Variants in BRCA1 observed in about 807,000 individuals in gnomAD.
BRCA1 encodes BRCA1 DNA repair associated.
BRCA1 carries 140 observed loss-of-function variants against 173.7 expected under a neutral mutation model. That is an observed-to-expected ratio of 0.81 (90% confidence interval 0.70 to 0.93). The LOEUF is 0.93. BRCA1 is among the 40% of genes least tolerant of loss of function. The pLI, the probability that BRCA1 is intolerant of heterozygous loss-of-function variation, is 0.00. For synonymous variants in BRCA1, 662 were observed against 756.0 expected, an observed-to-expected ratio of 0.88 and a Z score of 2.04; for missense variants, 1,983 against 2,172.5, an observed-to-expected ratio of 0.91 and a Z score of 1.73.
chr17:43,115,434 G>A (rs1308185213), intron 3 of BRCA1, among the ~76,000 whole-genome samples: 1 of 151,718 alleles, frequency 6.6e-6, no homozygotes, highest in Non-Finnish European at 1.5e-5. Flanking sequence ...CTCGGGGGGC[G>A]GAGGTTGCAG....
intron 1 of BRCA1, among the ~76,000 whole-genome samples, chr17:43,135,019 C>T (rs2056004667): frequency 6.6e-6 from 1 of 152,240 alleles, no homozygotes; most frequent in Non-Finnish European, 1.5e-5. Context: ...ATGCACCCAC[C>T]CCTTGCCATG....
upstream of BRCA1, among the ~76,000 whole-genome samples, chr17:43,129,617 G>C (rs1159290299): frequency 6.6e-6 from 1 of 151,784 alleles, no homozygotes; most frequent in Non-Finnish European, 1.5e-5. Context: ...GGGACTACAG[G>C]CACCCGCCAT....
At position 43,094,530 on chromosome 17, in the gene BRCA1, G is replaced by A. The variant is rs41286290; in HGVS notation, c.1001C>T (p.Pro334Leu). ...CAGATCTACCTTTTTTTCTGTGCTG[G>A]GAGTCCGCCTATCATTACATGTTTC... Reference protein sequence around the residue: ...SKETCNDRRTPSTEKKVDLNA... With the variant: ...SKETCNDRRTLSTEKKVDLNA... The change falls in exon 10 of 23, where the codon CCC becomes CTC. Residue 334 changes from proline (P) to leucine (L), a missense_variant. Coordinates refer to ENST00000357654, the MANE Select transcript of BRCA1 (RefSeq NM_007294.4). 114 of 1,613,776 alleles carry A rather than the reference G, an allele frequency of 7.1e-5. No homozygotes were observed. Among genetic ancestry groups the A allele is most frequent in the Non-Finnish European group, 8.4e-5 (99 of 1,180,002 alleles).
rs866845270 is a variant in BRCA1, at chr17:43,144,859, C to T, written c.-19-20744G>A. On this transcript the variant is annotated intron_variant, in intron 1 of 7. Transcript: ENST00000634433. ...AACATAGCGAGAGCAGCTCCGGTGG[C>T]GGGAGGAGTGGCAGCGGCCAGGCAG... 3.5e-5 allele frequency: 18 copies of T among 507,776 alleles called. 1 individual carries two copies. The highest frequency in any genetic ancestry group is 5.6e-4 in the Middle Eastern group (1 of 1,776). 31.5% of individuals were successfully genotyped at this position (507,776 alleles called of 1,614,324 possible).
Position 43,092,934 on chromosome 17 carries a change from C to A in BRCA1, c.2597G>T (p.Arg866Leu), listed in dbSNP as rs80356911. ...ATTTGAAAACGGAGCAAATGACTGGCGCTTTGAAACCTTGAATGTATTCTG... is the reference window on the plus strand; with the variant it reads ...ATTTGAAAACGGAGCAAATGACTGGAGCTTTGAAACCTTGAATGTATTCTG... ...YLQNTFKVSK[R>L]QSFAPFSNPG... is the part of the protein sequence containing the mutation. The change falls in exon 10 of 23, where the codon CGC becomes CTC. Residue 866 changes from arginine to leucine, a missense_variant. By Grantham distance (102) the Arg-to-Leu change is moderately radical. Coordinates refer to ENST00000357654, the MANE Select transcript of BRCA1 (RefSeq NM_007294.4). The A allele has an allele frequency of 6.2e-7, 1 of 1,613,740 alleles. No individual in the cohort carries two copies. Among genetic ancestry groups the A allele is most frequent in the Non-Finnish European group, 8.5e-7 (1 of 1,179,940 alleles).
chr17:43,166,076 CTCTT>C (rs2056265049), intron 1 of BRCA1: 1 of 151,524 alleles, frequency 6.6e-6, no homozygotes, highest in Non-Finnish European at 1.5e-5. Flanking sequence ...CTTTCTTTCT[CTCTT>C]TGACTTTGTC....
chr17:43,155,716 G>T (rs1156674035), intron 1 of BRCA1, among the ~76,000 whole-genome samples: 1 of 151,986 alleles, frequency 6.6e-6, no homozygotes, highest in Admixed American at 6.6e-5. Context: ...TGTATTTTTG[G>T]TAGGGAAGGG....
rs914014699 is a variant in BRCA1 at position 43,110,137 on chromosome 17, G to A, written c.135-3604C>T. Among the ~76,000 whole-genome samples the A allele has an allele frequency of 9.2e-5, 14 of 151,996 alleles. 1 individual carries two copies. Among genetic ancestry groups the A allele is most frequent in the Non-Finnish European group, 4.4e-5 (3 of 67,996 alleles). ...TCTCGATCTCCTGACCTCGTGATGT[G>A]CCCATCTCAGCCTCCCAAAGTGCTG... On this transcript the variant is annotated intron_variant, in intron 3 of 22. Coordinates refer to ENST00000357654, the MANE Select transcript of BRCA1 (RefSeq NM_007294.4).
At chr17:43,063,768 T>C in intron 17 of BRCA1, 106 bp downstream of exon 17, 1 of 853,108 alleles carries the variant, frequency 1.2e-6, no homozygotes, top group Non-Finnish European at 2.0e-6. Context: ...GACCTTTTGG[T>C]AACTCAGACT....
At position 43,144,623 on chromosome 17, in the gene BRCA1, C is replaced by T. The variant is rs372830455; in HGVS notation, c.-19-20508G>A. On this transcript the variant is annotated intron_variant, in intron 1 of 7. Coordinates refer to the BRCA1 transcript ENST00000634433. ...GCCAGCTTCAGTCCTGCTTTTCTTT[C>T]TGATGGCCCTTGTTATTTATGCATA... 3.5e-4 allele frequency: 59 copies of T among 166,228 alleles called. No individual in the cohort carries two copies. The East Asian group carries it at 9.5e-3, about 27-fold the overall frequency. The allele number at this position is 166,228 out of a possible 1,614,324, so 10.3% of individuals were successfully genotyped here. A position where few individuals can be genotyped will look rare whatever the true frequency, so the allele number is the denominator to read the frequency against.
At chr17:43,101,869 A>G (rs1176884976) in intron 6 of BRCA1, among the ~76,000 whole-genome samples, 1 of 152,106 alleles carries the variant, frequency 6.6e-6, no homozygotes, top group African/African-American at 2.4e-5. Flanking sequence ...GCAAATCACT[A>G]CATTTTCTTT....
At chr17:43,073,611 T>C (rs1456358214) in intron 14 of BRCA1, among the ~76,000 whole-genome samples, 1 of 152,072 alleles carries the variant, frequency 6.6e-6, no homozygotes, top group Non-Finnish European at 1.5e-5. Flanking sequence ...GCATAAAATA[T>C]GTAGTCATTT....
rs549676175 is a variant in BRCA1 at position 43,063,485 on chromosome 17, A to G, written c.5153-112T>C. 3.4e-6 allele frequency: 3 copies of G among 894,136 alleles called. No individual in the cohort carries two copies. In the East Asian group the frequency reaches 7.7e-5, roughly 23 times the overall value. 55.4% of individuals were successfully genotyped at this position (894,136 alleles called of 1,614,324 possible). On this transcript the variant is annotated intron_variant, in intron 17 of 22. Coordinates refer to ENST00000357654, the MANE Select transcript of BRCA1 (RefSeq NM_007294.4). ...GAGCACAGGAAGAATGACAGAGGAG[A>G]GGTCCTTCCCTCTAAAGCCACAGCC...
At chr17:43,105,963 C>CA (rs977602075) in intron 4 of BRCA1, among the ~76,000 whole-genome samples, 1 of 151,690 alleles carries the variant, frequency 6.6e-6, no homozygotes, top group Non-Finnish European at 1.5e-5. Flanking sequence ...CTCATCTCTA[C>CA]AAAAAATACA....
intron 1 of BRCA1, among the ~76,000 whole-genome samples, chr17:43,165,195 C>T (rs772630907): frequency 5.9e-5 from 9 of 151,710 alleles, no homozygotes; most frequent in Non-Finnish European, 1.3e-4. Context: ...TCTTTTTAAC[C>T]CTTTATAATT....
chr17:43,103,551 G>T (rs1198440319), intron 6 of BRCA1, among the ~76,000 whole-genome samples: 1 of 151,894 alleles, frequency 6.6e-6, no homozygotes, highest in East Asian at 1.9e-4. Flanking sequence ...CTCAAACCTG[G>T]ACTCAAGTGA....
rs56119900 is a variant in BRCA1, at chr17:43,082,296, G to A, written c.4357+108C>T. 36 of 1,248,604 alleles carry A rather than the reference G, an allele frequency of 2.9e-5. No individual in the cohort carries two copies. The East Asian group carries it at 7.2e-4, about 25-fold the overall frequency. 77.3% of individuals were successfully genotyped at this position (1,248,604 alleles called of 1,614,324 possible). ...AAGGCTCCATAATTACCCATGTGCT[G>A]AGCAAGGATCATAAAATGTTGGAGC... On this transcript the variant is annotated intron_variant, in intron 12 of 22. Transcript: ENST00000357654.
At chr17:43,128,395 C>G (rs2055935050), upstream of BRCA1, among the ~76,000 whole-genome samples, 1 of 144,470 alleles carries the variant, frequency 6.9e-6, no homozygotes, top group Non-Finnish European at 1.5e-5. Context: ...CTGAACACGT[C>G]CGAACATCAG....
Position 43,094,765 on chromosome 17 carries a change from T to G in BRCA1, c.766A>C (p.Arg256=), listed in dbSNP as rs587781833. ...CTACCCTGATACTTTTCTGGATGCC[T>G]CTCAGCTGCACGCTTCTCAGTGGTG... ...LNTTEKRAAE[R]HPEKYQGSSV... is the part of the protein sequence containing the mutation. The change falls in exon 10 of 23, where the codon AGG becomes CGG. Residue 256 remains arginine (R), a synonymous_variant. Transcript: ENST00000357654. 1.9e-6 allele frequency: 3 copies of G among 1,611,556 alleles called. No homozygotes were observed. In the South Asian group the frequency reaches 3.3e-5, roughly 18 times the overall value.
Sources: allele counts gnomAD v4.1 joint callset (sites outside exome capture counted in the v4.1 genomes callset), GRCh38; gene constraint gnomAD v4.1.1; transcripts MANE v1.5; gene names NCBI Gene and HGNC (gene_info 2026-07-23, HGNC 2026-07-21).